PDZD2: variants seen among roughly 807,000 people sequenced by gnomAD.
The protein encoded by PDZD2 is PDZ domain containing 2, also known as PDZ domain-containing protein 2.
In PDZD2, 90 loss-of-function variants were observed where a neutral mutation model predicts 220.7. The ratio of observed to expected loss-of-function variants is 0.41; its 90% CI spans 0.34 to 0.49. The LOEUF (loss-of-function observed/expected upper bound fraction) is 0.49, where lower values mean the gene tolerates loss of function less well. Among genes scored for constraint, PDZD2 ranks in the 20% least tolerant of loss-of-function variants. The pLI is 0.28. For synonymous variants in PDZD2, 1,375 were observed against 1,450.5 expected (o/e 0.95, Z 1.18); for missense variants, 3,174 against 3,608.5 (o/e 0.88, Z 3.08).
At chr5:31,734,607 C>T (rs1749737825) in intron 1 of PDZD2, among the ~76,000 whole-genome samples, 1 of 152,300 alleles carries the variant, frequency 6.6e-6, no homozygotes, top group East Asian at 1.9e-4. Context: ...GCATGAACCA[C>T]CATGCCTAGC....
intron 1 of PDZD2, among the ~76,000 whole-genome samples, chr5:31,708,947 G>T (rs1315333271): frequency 1.3e-5 from 2 of 151,728 alleles, no homozygotes; most frequent in African/African-American, 2.4e-5. Flanking sequence ...GAGAGGAGTG[G>T]TGTAGTCTTG....
chr5:31,707,949 G>C (rs530809014), intron 1 of PDZD2, among the ~76,000 whole-genome samples: 1 of 152,112 alleles, frequency 6.6e-6, no homozygotes, highest in South Asian at 2.1e-4. Flanking sequence ...TTTTAGAAGA[G>C]ACTTGAAACA....
At chr5:31,910,887 G>A (rs1260134111) in intron 2 of PDZD2, among the ~76,000 whole-genome samples, 1 of 151,898 alleles carries the variant, frequency 6.6e-6, no homozygotes, top group Non-Finnish European at 1.5e-5. Flanking sequence ...CACTTAAAAT[G>A]GTGAGATTAT....
At chr5:31,765,941 G>T (rs1480681307) in intron 1 of PDZD2, among the ~76,000 whole-genome samples, 2 of 152,162 alleles carry the variant, frequency 1.3e-5, no homozygotes, top group African/African-American at 4.8e-5. Flanking sequence ...GGAGACTGAG[G>T]CAGGTGGATC....
At chr5:32,104,162 C>A (rs1744512939) in intron 24 of PDZD2, among the ~76,000 whole-genome samples, 1 of 151,532 alleles carries the variant, frequency 6.6e-6, no homozygotes, top group Non-Finnish European at 1.5e-5. Context: ...AATCCCGGCA[C>A]TTTGGGAGGC....
intron 2 of PDZD2, among the ~76,000 whole-genome samples, chr5:31,833,585 G>A (rs768853376): frequency 1.1e-3 from 157 of 149,080 alleles, no homozygotes; most frequent in South Asian, 2.3e-3. Context: ...GCAGTGAGCC[G>A]AGATTGCGCC....
chr5:31,917,657 A>G (rs1483771654), intron 2 of PDZD2, among the ~76,000 whole-genome samples: 1 of 152,214 alleles, frequency 6.6e-6, no homozygotes, highest in Non-Finnish European at 1.5e-5. Context: ...ACACTACTCT[A>G]AAGACATACC....
At chr5:31,815,441 T>C (rs1755389883) in intron 2 of PDZD2, among the ~76,000 whole-genome samples, 1 of 152,042 alleles carries the variant, frequency 6.6e-6, no homozygotes, top group African/African-American at 2.4e-5. Flanking sequence ...AAGAGATATA[T>C]TTTGGAATAA....
At chr5:32,077,431 T>C in intron 18 of PDZD2, 31 bp from the exon 19 acceptor site, 1 of 1,611,762 alleles carries the variant, frequency 6.2e-7, no homozygotes, top group Non-Finnish European at 8.5e-7. Flanking sequence ...TGAAAGTTAT[T>C]TCAAGTGGCT....
intron 1 of PDZD2, among the ~76,000 whole-genome samples, chr5:31,718,560 GT>G (rs1307179007): frequency 6.6e-6 from 1 of 152,160 alleles, no homozygotes; most frequent in Non-Finnish European, 1.5e-5. Context: ...CTGTTTCCTT[GT>G]CTTGCAGATG....
chr5:31,791,919 T>G (rs1245762830), intron 1 of PDZD2, among the ~76,000 whole-genome samples: 1 of 152,230 alleles, frequency 6.6e-6, no homozygotes, highest in Non-Finnish European at 1.5e-5. Context: ...TTGGTTGGAC[T>G]GGTAAAAATC....
chr5:31,669,934 TA>T (rs1045185528), intron 1 of PDZD2, among the ~76,000 whole-genome samples: 1 of 152,208 alleles, frequency 6.6e-6, no homozygotes, highest in Non-Finnish European at 1.5e-5. Context: ...CTAAACCTTT[TA>T]ATAAATCCTG....
In PDZD2 at chr5:31,958,521, C is replaced by T. The variant is rs545707945; in HGVS notation, c.477-24634C>T. On this transcript the variant is annotated intron_variant, in intron 2 of 24. Transcript: ENST00000438447. ...CACCTGCCTCAGCCTCCCCAAAGTGCCGGGATTACAGGTGTGAGCCACCAC... is the reference window on the plus strand; with the variant it reads ...CACCTGCCTCAGCCTCCCCAAAGTGTCGGGATTACAGGTGTGAGCCACCAC... Among the ~76,000 whole-genome samples, 8 of 152,150 alleles carry T rather than the reference C, an allele frequency of 5.3e-5. 1 individual carries two copies. The South Asian group carries it at 1.5e-3, about 28-fold the overall frequency.
At chr5:31,764,728 C>T (rs1306585480) in intron 1 of PDZD2, among the ~76,000 whole-genome samples, 1 of 152,180 alleles carries the variant, frequency 6.6e-6, no homozygotes, top group Non-Finnish European at 1.5e-5. Flanking sequence ...TGGCAAATGC[C>T]CTGATGCCCA....
At chr5:32,023,033 C>T (rs950148412) in intron 6 of PDZD2, among the ~76,000 whole-genome samples, 3 of 152,094 alleles carry the variant, frequency 2.0e-5, no homozygotes, top group African/African-American at 7.2e-5. Context: ...GATGGAGAGG[C>T]GGGAAGCCGT....
intron 2 of PDZD2, among the ~76,000 whole-genome samples, chr5:31,957,302 G>T (rs1747797471): frequency 6.6e-6 from 1 of 152,162 alleles, no homozygotes; most frequent in Non-Finnish European, 1.5e-5. Context: ...TCCCCAGGAG[G>T]ACATCGCCAG....
intron 2 of PDZD2, among the ~76,000 whole-genome samples, chr5:31,970,262 AC>A (rs1749179629): frequency 6.6e-6 from 1 of 152,174 alleles, no homozygotes; most frequent in Admixed American, 6.5e-5. Context: ...AAGAATTTTG[AC>A]CTCAGTAGTC....
At chr5:31,752,586 T>C (rs1183304947) in intron 1 of PDZD2, among the ~76,000 whole-genome samples, 1 of 151,792 alleles carries the variant, frequency 6.6e-6, no homozygotes, top group Non-Finnish European at 1.5e-5. Context: ...TAGGCGTTTT[T>C]TTTTCCCCCC....
intron 1 of PDZD2, among the ~76,000 whole-genome samples, chr5:31,653,683 G>C (rs571159428): frequency 2.6e-5 from 4 of 152,106 alleles, no homozygotes; most frequent in Non-Finnish European, 5.9e-5. Context: ...ACTGTCACAC[G>C]TGCAGCCCAA....
Sources: allele counts gnomAD v4.1 joint callset (sites outside exome capture counted in the v4.1 genomes callset), GRCh38; gene constraint gnomAD v4.1.1; transcripts MANE v1.5; gene names NCBI Gene and HGNC (gene_info 2026-07-23, HGNC 2026-07-21).